APBB2: variants seen among roughly 807,000 people sequenced by gnomAD.
The protein encoded by APBB2 is Fe65-like 1.
APBB2 carries 38 observed loss-of-function variants against 82.5 expected under a neutral mutation model. That is an observed-to-expected ratio of 0.46 (90% confidence interval 0.36 to 0.60). The LOEUF is 0.60. Among genes scored for constraint, APBB2 ranks in the 20% least tolerant of loss-of-function variants. APBB2 has a pLI of 0.00. For missense variants in APBB2, 772 were observed against 972.3 expected (o/e 0.79, Z 2.74); for synonymous variants, 341 against 368.2 (o/e 0.93, Z 0.85).
At chr4:40,866,098 T>G (rs1236273985) in intron 12 of APBB2, among the ~76,000 whole-genome samples, 2 of 152,234 alleles carry the variant, frequency 1.3e-5, no homozygotes, top group Non-Finnish European at 2.9e-5. Flanking sequence ...GTGATCCCAC[T>G]CTTACGTATT....
intron 1 of APBB2, among the ~76,000 whole-genome samples, chr4:41,169,817 C>T (rs562635834): frequency 3.4e-5 from 5 of 148,014 alleles, no homozygotes; most frequent in South Asian, 4.3e-4. Context: ...GATCCAAAAA[C>T]GAATAGGGGG....
At chr4:41,170,681 C>G (rs1282457900) in intron 1 of APBB2, among the ~76,000 whole-genome samples, 2 of 151,994 alleles carry the variant, frequency 1.3e-5, no homozygotes, top group South Asian at 4.1e-4. Context: ...AGAAAAAGAA[C>G]TTTAATGGGA....
chr4:41,059,972 A>C (rs1729220645), intron 4 of APBB2, among the ~76,000 whole-genome samples: 1 of 146,208 alleles, frequency 6.8e-6, no homozygotes. Flanking sequence ...AAACAGCAAA[A>C]CTCCGTCTCA....
At chr4:41,005,229 T>C (rs1261296598) in intron 6 of APBB2, among the ~76,000 whole-genome samples, 1 of 152,152 alleles carries the variant, frequency 6.6e-6, no homozygotes, top group Non-Finnish European at 1.5e-5. Flanking sequence ...TAGCTGGGAC[T>C]ACAGGCACGT....
chr4:41,146,861 C>T lies in APBB2; in HGVS notation c.-416-3719G>A, dbSNP rs572479066. Among the ~76,000 whole-genome samples, 40 of 152,320 alleles carry T rather than the reference C, an allele frequency of 2.6e-4. No individual in the cohort carries two copies. The South Asian group carries it at 5.2e-3, about 20-fold the overall frequency. On this transcript the variant is annotated intron_variant, in intron 1 of 17. Transcript: ENST00000508593. ...AACAAAGGCATGAACTGTGAGGCTG[C>T]GCATAAAGCCGCGGCCCGGGCTGAT... is the stretch of plus-strand genomic sequence containing the variant.
At chr4:40,858,805 G>A (rs1471955719) in intron 12 of APBB2, among the ~76,000 whole-genome samples, 1 of 152,150 alleles carries the variant, frequency 6.6e-6, no homozygotes, top group Admixed American at 6.5e-5. Flanking sequence ...TTTAACTCAT[G>A]CTGTTTCTGA....
intron 12 of APBB2, among the ~76,000 whole-genome samples, chr4:40,853,916 C>T (rs1390122099): frequency 6.6e-6 from 1 of 152,140 alleles, no homozygotes; most frequent in Non-Finnish European, 1.5e-5. Context: ...TCAAGACACT[C>T]GGCATAACCT....
chr4:41,022,044 A>G (rs1312795382), intron 5 of APBB2, among the ~76,000 whole-genome samples: 6 of 152,186 alleles, frequency 3.9e-5, no homozygotes, highest in African/African-American at 1.4e-4. Context: ...ACCATCTTTA[A>G]GAGCTGTGAG....
chr4:41,126,234 A>G (rs927591026), intron 2 of APBB2, among the ~76,000 whole-genome samples: 1 of 151,286 alleles, frequency 6.6e-6, no homozygotes, highest in Non-Finnish European at 1.5e-5. Flanking sequence ...AAAAAAAAAA[A>G]TTAGCTGGGC....
At chr4:41,197,302 G>A in intron 1 of APBB2, among the ~76,000 whole-genome samples, 2 of 152,140 alleles carry the variant, frequency 1.3e-5, no homozygotes, top group African/African-American at 4.8e-5. Flanking sequence ...ATTTATCCAA[G>A]CCCACAGGAA....
Position 41,015,937 on chromosome 4 carries a change from C to A in APBB2, c.20-1539G>T, listed in dbSNP as rs962375042. Reference sequence around the variant, plus strand: ...TCTTGACAATTAAATTAAAAAAAAACAATTTTTATTACCATTTGGCTACAA... The same window carrying A: ...TCTTGACAATTAAATTAAAAAAAAAAAATTTTTATTACCATTTGGCTACAA... On this transcript the variant is annotated intron_variant, in intron 5 of 17. Transcript: ENST00000508593. Among the ~76,000 whole-genome samples the A allele has an allele frequency of 3.3e-5, 5 of 151,326 alleles. No homozygotes were observed. The South Asian group carries it at 6.3e-4, about 19-fold the overall frequency.
intron 6 of APBB2, among the ~76,000 whole-genome samples, chr4:40,977,676 T>C (rs936023694): frequency 6.6e-6 from 1 of 152,160 alleles, no homozygotes; most frequent in African/African-American, 2.4e-5. Context: ...ATATTAATAT[T>C]TGAAAAAGAG....
chr4:41,185,629 T>C (rs1204338854), intron 1 of APBB2, among the ~76,000 whole-genome samples: 1 of 152,234 alleles, frequency 6.6e-6, no homozygotes, highest in Non-Finnish European at 1.5e-5. Flanking sequence ...AAATAGTATT[T>C]CTTTCTTTCT....
chr4:40,909,617 A>G (rs1213906765), intron 10 of APBB2, among the ~76,000 whole-genome samples: 1 of 152,220 alleles, frequency 6.6e-6, no homozygotes, highest in Non-Finnish European at 1.5e-5. Flanking sequence ...GGTTCAACCG[A>G]GAGACGTAGC....
chr4:41,142,028 T>C (rs1014204784), intron 2 of APBB2, among the ~76,000 whole-genome samples: 12 of 151,982 alleles, frequency 7.9e-5, no homozygotes, highest in African/African-American at 2.7e-4. Flanking sequence ...TCTAACTACA[T>C]AGGGTGAAAA....
Position 41,071,351 on chromosome 4 carries a change from G to A in APBB2, c.-148-5678C>T, listed in dbSNP as rs184301245. 2.0e-5 allele frequency among the ~76,000 whole-genome samples: 3 copies of A among 152,226 alleles called. No individual in the cohort carries two copies. The East Asian group carries it at 5.8e-4, about 29-fold the overall frequency. ...TAATTATAATTCTCTGCATCATTCT[G>A]CAGTTATAGTACAATATAATTTCTG... On this transcript the variant is annotated intron_variant, in intron 3 of 17. Transcript: ENST00000508593.
chr4:41,088,322 A>G (rs917027841), intron 3 of APBB2, among the ~76,000 whole-genome samples: 4 of 152,168 alleles, frequency 2.6e-5, no homozygotes, highest in African/African-American at 9.7e-5. Context: ...AAGACTCTTG[A>G]CCACATCAAT....
At chr4:41,071,222 T>G (rs952095849) in intron 3 of APBB2, among the ~76,000 whole-genome samples, 3 of 152,212 alleles carry the variant, frequency 2.0e-5, no homozygotes, top group African/African-American at 7.2e-5. Context: ...CACAAAAAAT[T>G]TTTAAATGGC....
chr4:41,124,579 C>G (rs781487874), intron 2 of APBB2, among the ~76,000 whole-genome samples: 1 of 152,148 alleles, frequency 6.6e-6, no homozygotes, highest in Non-Finnish European at 1.5e-5. Context: ...AGGTGGCAAG[C>G]TGGATTTGGC....
Sources: gnomAD v4.1 joint callset for allele counts (sites outside exome capture counted in the v4.1 genomes callset) on GRCh38, gnomAD v4.1.1 for gene constraint, MANE v1.5 for transcripts, NCBI Gene and HGNC (gene_info 2026-07-23, HGNC 2026-07-21) for gene names.